Variants in FAP observed in about 807,000 individuals in gnomAD.
FAP encodes the protein fibroblast activation protein alpha.
In FAP, 110 loss-of-function variants were observed where a neutral mutation model predicts 126.5. The ratio of observed to expected loss-of-function variants is 0.87; its 90% CI spans 0.74 to 1.02. FAP has a LOEUF of 1.02. FAP is among the 50% of genes least tolerant of loss of function. The pLI is 0.00. For missense variants in FAP, 919 were observed against 909.2 expected, an observed-to-expected ratio of 1.01 and a Z score of -0.14; for synonymous variants, 334 against 297.3, an observed-to-expected ratio of 1.12 and a Z score of -1.27.
chr2:162,241,305 T>A (rs1690335246), intron 2 of FAP, among the ~76,000 whole-genome samples: 1 of 152,212 alleles, frequency 6.6e-6, no homozygotes, highest in South Asian at 2.1e-4. Context: ...ATATATAGTT[T>A]ACGACGTATA....
intron 16 of FAP, chr2:162,198,140 T>G: frequency 5.6e-6 from 7 of 1,255,886 alleles, no homozygotes; most frequent in Non-Finnish European, 7.2e-6. Context: ...TTTGTAGATT[T>G]TATTACTTAT....
rs187464076 is a variant in FAP at position 162,234,633 on chromosome 2, G to C, written c.92-8012C>G. On this transcript the variant is annotated intron_variant, in intron 2 of 25. Transcript: ENST00000188790. ...AAAATGTTGAACAGAAGCGATGAGA[G>C]AGGACATCAAGTCCTCTTATTGATC... 9.8e-5 allele frequency among the ~76,000 whole-genome samples: 15 copies of C among 152,300 alleles called. No individual in the cohort carries two copies. The East Asian group carries it at 2.7e-3, about 27-fold the overall frequency.
intron 16 of FAP, among the ~76,000 whole-genome samples, chr2:162,196,598 A>T (rs1374331910): frequency 6.7e-6 from 1 of 150,170 alleles, no homozygotes. Context: ...GTGTGATCCT[A>T]GTGGCCTAAA....
chr2:162,240,456 A>G (rs1330368802), intron 2 of FAP, among the ~76,000 whole-genome samples: 1 of 152,110 alleles, frequency 6.6e-6, no homozygotes, highest in African/African-American at 2.4e-5. Context: ...CTTCTCTGGT[A>G]TCTGTGGTGC....
chr2:162,188,438 G>T, intron 19 of FAP, 75 bp from the exon 20 acceptor site: 1 of 1,253,666 alleles, frequency 8.0e-7, no homozygotes, highest in Non-Finnish European at 1.1e-6. Flanking sequence ...GCCAAGCATT[G>T]CTTCTAGTAA....
At chr2:162,218,911 T>C (rs912251668) in intron 8 of FAP, 152 bp downstream of exon 8, 1 of 457,278 alleles carries the variant, frequency 2.2e-6, no homozygotes, top group African/African-American at 2.0e-5. Flanking sequence ...TCTTTTAAAA[T>C]ACGTATGCCC....
At chr2:162,210,510 G>A (rs894065119) in intron 11 of FAP, among the ~76,000 whole-genome samples, 5 of 152,146 alleles carry the variant, frequency 3.3e-5, no homozygotes, top group African/African-American at 1.2e-4. Flanking sequence ...AAAATAAATA[G>A]CATAGAGACC....
intron 2 of FAP, among the ~76,000 whole-genome samples, chr2:162,230,338 T>G (rs2106293833): frequency 6.6e-6 from 1 of 152,328 alleles, no homozygotes; most frequent in East Asian, 1.9e-4. Flanking sequence ...GTTTTTGTTT[T>G]CTCAACATTT....
chr2:162,238,981 C>T (rs1216782063), intron 2 of FAP, among the ~76,000 whole-genome samples: 1 of 152,164 alleles, frequency 6.6e-6, no homozygotes, highest in African/African-American at 2.4e-5. Flanking sequence ...AGGCAAGACT[C>T]AGCTAAATAA....
intron 16 of FAP, among the ~76,000 whole-genome samples, chr2:162,195,208 G>A (rs528224419): frequency 2.0e-5 from 3 of 152,120 alleles, no homozygotes; most frequent in African/African-American, 7.2e-5. Context: ...TTTTTCCATG[G>A]AATAATACAT....
intron 21 of FAP, among the ~76,000 whole-genome samples, chr2:162,180,690 C>T (rs998854320): frequency 1.3e-5 from 2 of 152,046 alleles, no homozygotes; most frequent in Non-Finnish European, 2.9e-5. Context: ...TCTCAGATTT[C>T]GAATTTGGGT....
intron 16 of FAP, among the ~76,000 whole-genome samples, chr2:162,196,020 T>C (rs191052016): frequency 6.6e-6 from 1 of 152,324 alleles, no homozygotes; most frequent in Admixed American, 6.5e-5. Context: ...CTGGCATCTT[T>C]CTGCCTGCAG....
intron 4 of FAP, among the ~76,000 whole-genome samples, chr2:162,225,140 A>G (rs550128529): frequency 2.6e-5 from 4 of 152,294 alleles, no homozygotes; most frequent in African/African-American, 9.6e-5. Context: ...ATACCGAGGC[A>G]TAGTAAGATT....
chr2:162,188,441 T>G lies in FAP; in HGVS notation c.1620-78A>C. On this transcript the variant is annotated intron_variant, in intron 19 of 25. Transcript: ENST00000188790. ...TTTCCCATCCTGGCCAAGCATTGCTTCTAGTAATTCCAGTACAATTATGTG... is the reference window on the plus strand; with the variant it reads ...TTTCCCATCCTGGCCAAGCATTGCTGCTAGTAATTCCAGTACAATTATGTG... 5 of 1,213,946 alleles carry G rather than the reference T, an allele frequency of 4.1e-6. No homozygotes were observed. The East Asian group carries it at 9.9e-5, about 24-fold the overall frequency. The allele number at this position is 1,213,946 out of a possible 1,614,324, so 75.2% of individuals were successfully genotyped here. A position where few individuals can be genotyped will look rare whatever the true frequency, so the allele number is the denominator to read the frequency against.
At chr2:162,200,706 G>C (rs1305876535) in intron 14 of FAP, 87 bp from the exon 15 acceptor site, 3 of 599,178 alleles carry the variant, frequency 5.0e-6, no homozygotes, top group South Asian at 2.3e-5. Context: ...TATCAATATA[G>C]GTAAGCATTT....
chr2:162,220,265 T>C (rs1048416958), intron 6 of FAP, among the ~76,000 whole-genome samples: 2 of 152,202 alleles, frequency 1.3e-5, no homozygotes, highest in African/African-American at 4.8e-5. Flanking sequence ...AAAGTAAATA[T>C]GAGGTTTAGA....
chr2:162,214,064 A>G lies in FAP; in HGVS notation c.876T>C (p.Tyr292=). 6.2e-7 allele frequency: 1 copy of G among 1,613,992 alleles called. No individual in the cohort carries two copies. Among genetic ancestry groups the G allele is most frequent in the Non-Finnish European group, 8.5e-7 (1 of 1,179,952 alleles). The change falls in exon 11 of 26, where the codon TAT becomes TAC. Residue 292 remains tyrosine (Y), a synonymous_variant. Transcript: ENST00000188790. ...VPAMIASSDY[Y]FSWLTWVTDE... ...CAGTAACCCACGTGAGCCAACTGAA[A>G]TAATAATCACTGCAAATAAAATAGA...
intron 25 of FAP, 46 bp downstream of exon 25, chr2:162,172,765 C>T: frequency 7.7e-7 from 1 of 1,293,276 alleles, no homozygotes; most frequent in East Asian, 2.3e-5. Flanking sequence ...CTCCTTTTAG[C>T]TTGAGGGTCT....
At chr2:162,179,712 C>T (rs577759327) in intron 21 of FAP, among the ~76,000 whole-genome samples, 1 of 151,470 alleles carries the variant, frequency 6.6e-6, no homozygotes, top group East Asian at 1.9e-4. Context: ...ATGGACATTG[C>T]AGATGCGAGA....
Sources: allele counts gnomAD v4.1 joint callset (sites outside exome capture counted in the v4.1 genomes callset), GRCh38; gene constraint gnomAD v4.1.1; transcripts MANE v1.5; gene names NCBI Gene and HGNC (gene_info 2026-07-23, HGNC 2026-07-21).